The following ZNF385D variants were observed in gnomAD, a reference collection of about 807,000 sequenced individuals.
The protein encoded by ZNF385D is zinc finger protein 385D, also known as zinc finger protein 659.
In ZNF385D, 15 loss-of-function variants were observed where a neutral mutation model predicts 35.8. The ratio of observed to expected loss-of-function variants is 0.42; its 90% CI spans 0.28 to 0.64. ZNF385D has a LOEUF of 0.64. ZNF385D is among the 30% of genes least tolerant of loss of function. The pLI, the probability that ZNF385D is intolerant of heterozygous loss-of-function variation, is 0.23. For missense variants in ZNF385D, 474 were observed against 494.6 expected, an observed-to-expected ratio of 0.96 and a Z score of 0.39; for synonymous variants, 212 against 186.8, an observed-to-expected ratio of 1.13 and a Z score of -1.10.
chr3:21,647,939 A>ATTTTATTTTAT (rs2065802454), intron 2 of ZNF385D, among the ~76,000 whole-genome samples: 1 of 152,216 alleles, frequency 6.6e-6, no homozygotes, highest in African/African-American at 2.4e-5. Context: ...AAGATGCTTT[A>ATTTTATTTTAT]TTAAAATTTA....
intron 3 of ZNF385D, among the ~76,000 whole-genome samples, chr3:21,949,676 A>T (rs1305864466): frequency 6.6e-6 from 1 of 150,802 alleles, no homozygotes; most frequent in African/African-American, 2.4e-5. Flanking sequence ...CATCTACATT[A>T]GGTATTTCTC....
intron 4 of ZNF385D, among the ~76,000 whole-genome samples, chr3:21,477,651 C>T (rs1488440949): frequency 6.6e-6 from 1 of 152,092 alleles, no homozygotes; most frequent in Non-Finnish European, 1.5e-5. Flanking sequence ...TCCATCCTCC[C>T]TATCTAACCC....
At chr3:22,260,367 G>A (rs1700562556) in intron 2 of ZNF385D, among the ~76,000 whole-genome samples, 1 of 152,032 alleles carries the variant, frequency 6.6e-6, no homozygotes, top group Middle Eastern at 3.4e-3. Context: ...GGCAAGGGGA[G>A]GGAGAGCATT....
At chr3:21,807,863 T>C (rs1210097954) in intron 3 of ZNF385D, among the ~76,000 whole-genome samples, 1 of 152,204 alleles carries the variant, frequency 6.6e-6, no homozygotes, top group South Asian at 2.1e-4. Context: ...AGTTACCTAG[T>C]TGCTTACCCT....
chr3:21,889,055 T>A (rs528914344), intron 3 of ZNF385D, among the ~76,000 whole-genome samples: 1 of 152,334 alleles, frequency 6.6e-6, no homozygotes, highest in South Asian at 2.1e-4. Flanking sequence ...ATTTATGAGA[T>A]GTACAGTAAG....
At chr3:21,462,838 T>G (rs1157382687) in intron 4 of ZNF385D, among the ~76,000 whole-genome samples, 2 of 151,940 alleles carry the variant, frequency 1.3e-5, no homozygotes, top group Admixed American at 1.3e-4. Context: ...AAAAATTAGC[T>G]GGGCATGGTG....
intron 2 of ZNF385D, among the ~76,000 whole-genome samples, chr3:22,179,403 A>C (rs1278499457): frequency 1.3e-5 from 2 of 152,254 alleles, no homozygotes; most frequent in Admixed American, 6.5e-5. Context: ...TTATTGGTGT[A>C]TAAGAATGCT....
At chr3:22,147,654 T>C (rs933141212) in intron 3 of ZNF385D, among the ~76,000 whole-genome samples, 1 of 152,264 alleles carries the variant, frequency 6.6e-6, no homozygotes, top group East Asian at 1.9e-4. Flanking sequence ...CGGAAAAAGA[T>C]AATATTAGGC....
chr3:21,674,385 A>T (rs1559508316), intron 1 of ZNF385D, among the ~76,000 whole-genome samples: 1 of 152,242 alleles, frequency 6.6e-6, no homozygotes, highest in Non-Finnish European at 1.5e-5. Context: ...GGGACACTAT[A>T]CATATGGGTA....
intron 3 of ZNF385D, among the ~76,000 whole-genome samples, chr3:21,845,250 A>G (rs1329948918): frequency 2.0e-5 from 3 of 151,952 alleles, no homozygotes; most frequent in Admixed American, 1.3e-4. Context: ...AAAGAAGAAA[A>G]ACAGTATTGA....
At chr3:21,700,196 G>T (rs1053009180) in intron 1 of ZNF385D, among the ~76,000 whole-genome samples, 6 of 152,014 alleles carry the variant, frequency 3.9e-5, no homozygotes, top group Non-Finnish European at 8.8e-5. Context: ...CAGGTTGTGG[G>T]GGTAAAGGGG....
chr3:22,100,106 A>G lies in ZNF385D; in HGVS notation c.325+68711T>C, dbSNP rs532379478. On this transcript the variant is annotated intron_variant, in intron 3 of 5. Coordinates refer to the ZNF385D transcript ENST00000494108. ...AATGCTCACCATCACTGGCCATCAG[A>G]GAAATGTAAATCAAAACCACAATGA... Among the ~76,000 whole-genome samples, 152 of 148,726 alleles carry G rather than the reference A, an allele frequency of 1.0e-3. 1 individual carries two copies. Among genetic ancestry groups the G allele is most frequent in the African/African-American group, 3.5e-3 (140 of 39,720 alleles).
intron 1 of ZNF385D, among the ~76,000 whole-genome samples, chr3:21,680,951 C>G (rs1201447951): frequency 6.6e-6 from 1 of 152,120 alleles, no homozygotes; most frequent in Non-Finnish European, 1.5e-5. Context: ...ACACACACAG[C>G]CTTTCAACGG....
chr3:22,163,538 GTTTT>G (rs372215118), intron 3 of ZNF385D, among the ~76,000 whole-genome samples: 4,156 of 151,980 alleles, frequency 0.027, 190 homozygotes, highest in African/African-American at 0.094. Context: ...GCTTATTCAA[GTTTT>G]TTTTGTAGTA....
chr3:21,924,072 TAATC>T (rs1418539600), intron 3 of ZNF385D, among the ~76,000 whole-genome samples: 8 of 152,158 alleles, frequency 5.3e-5, no homozygotes, highest in African/African-American at 1.9e-4. Flanking sequence ...CCAGAGCACA[TAATC>T]AATGAGATAA....
intron 2 of ZNF385D, among the ~76,000 whole-genome samples, chr3:22,298,450 T>A (rs1006057210): frequency 7.8e-6 from 1 of 128,062 alleles, no homozygotes; most frequent in Admixed American, 8.3e-5. Context: ...ACATAAAATA[T>A]TTATATATAA....
chr3:21,661,004 T>C (rs974158980), intron 2 of ZNF385D, among the ~76,000 whole-genome samples: 2 of 152,186 alleles, frequency 1.3e-5, no homozygotes, highest in Non-Finnish European at 2.9e-5. Context: ...TGCCCAGGTA[T>C]ATTAGACGCC....
At chr3:22,229,246 G>T (rs1481417454) in intron 2 of ZNF385D, among the ~76,000 whole-genome samples, 1 of 152,108 alleles carries the variant, frequency 6.6e-6, no homozygotes, top group Non-Finnish European at 1.5e-5. Context: ...TATTATGTTT[G>T]CTTTTGACTT....
At chr3:21,502,899 G>A (rs531431656) in intron 4 of ZNF385D, among the ~76,000 whole-genome samples, 1 of 152,288 alleles carries the variant, frequency 6.6e-6, no homozygotes, top group South Asian at 2.1e-4. Flanking sequence ...TTCAACTCCT[G>A]TGCCAAGACG....
Sources: allele counts gnomAD v4.1 joint callset (sites outside exome capture counted in the v4.1 genomes callset), GRCh38; gene constraint gnomAD v4.1.1; transcripts MANE v1.5; gene names NCBI Gene and HGNC (gene_info 2026-07-23, HGNC 2026-07-21).